RAD17: variants seen among roughly 807,000 people sequenced by gnomAD.
The protein encoded by RAD17 is RAD17 checkpoint clamp loader component.
Under a neutral mutation model 81.5 loss-of-function variants are expected in RAD17, and 31 were observed. The ratio of observed to expected loss-of-function variants is 0.38; its 90% CI spans 0.29 to 0.51. The LOEUF (loss-of-function observed/expected upper bound fraction) is 0.51, where lower values mean the gene tolerates loss of function less well. Among genes scored for constraint, RAD17 ranks in the 20% least tolerant of loss-of-function variants. The pLI is 0.88. For synonymous variants in RAD17, 261 were observed against 266.2 expected, an observed-to-expected ratio of 0.98 and a Z score of 0.19; for missense variants, 681 against 781.2, an observed-to-expected ratio of 0.87 and a Z score of 1.53.
chr5:69,402,271 G>A (rs7731269), intron 17 of RAD17, among the ~76,000 whole-genome samples: 75,268 of 151,130 alleles, frequency 0.5, 18,769 homozygotes, highest in South Asian at 0.54. Context: ...GGCTGATCTC[G>A]AACTCCTGGC....
At chr5:69,376,329 A>G (rs1337983267) in intron 6 of RAD17, among the ~76,000 whole-genome samples, 3 of 152,226 alleles carry the variant, frequency 2.0e-5, no homozygotes, top group African/African-American at 7.2e-5. Context: ...GTTGTACAGT[A>G]GTGACTTTCT....
upstream of RAD17, chr5:69,369,344 G>C: frequency 9.0e-7 from 1 of 1,110,320 alleles, no homozygotes; most frequent in Non-Finnish European, 1.2e-6. Flanking sequence ...ACCGCCTCGT[G>C]GCCCTCGGCC....
At chr5:69,396,231 T>G (rs1391385144) in intron 15 of RAD17, among the ~76,000 whole-genome samples, 166 bp from the exon 16 acceptor site, 1 of 152,216 alleles carries the variant, frequency 6.6e-6, no homozygotes, top group Admixed American at 6.5e-5. Flanking sequence ...CCCAGTGGAA[T>G]TTGCTTTAGA....
chr5:69,369,528 T>A (rs766708460), upstream of RAD17: 3 of 1,611,176 alleles, frequency 1.9e-6, no homozygotes, highest in Admixed American at 5.0e-5. Context: ...CTCGCTCACG[T>A]GCCCTTTGCT....
intron 13 of RAD17, chr5:69,392,763 T>C: frequency 2.3e-6 from 1 of 444,166 alleles, no homozygotes; most frequent in Non-Finnish European, 4.5e-6. Flanking sequence ...TATCGTCTCT[T>C]GCATTAGTGA....
intron 6 of RAD17, 151 bp downstream of exon 6, chr5:69,374,862 A>G: frequency 1.5e-6 from 1 of 664,042 alleles, no homozygotes; most frequent in Non-Finnish European, 2.5e-6. Flanking sequence ...ATGGTGACTC[A>G]TGCCTGTAAT....
chr5:69,396,506 G>A lies in RAD17; in HGVS notation c.1532G>A (p.Arg511Gln), dbSNP rs748060927. The A allele has an allele frequency of 1.9e-6, 3 of 1,607,816 alleles. No individual in the cohort carries two copies. The highest frequency in any genetic ancestry group is 1.1e-5 in the South Asian group (1 of 90,724). Residue 511 changes from arginine (R) to glutamine (Q), a missense_variant, in exon 16 of 19, where the codon CGA (arginine) becomes CAA (glutamine). Transcript: ENST00000354868. ...AHCQGGGSSFRPLHKPQWFLI... is the reference protein window; with the variant it reads ...AHCQGGGSSFQPLHKPQWFLI... The stretch of plus-strand genomic sequence containing the variant: ...TGCCAAGGAGGAGGATCAAGTTTTC[G>A]ACCCTTGCACAAACCTCAGTGGTTT...
chr5:69,414,198 G>C lies in RAD17; in HGVS notation c.1919G>C (p.Ser640Thr). The part of the protein sequence containing the change: ...WSLPLSQNSA[S>T]ELPASQPQPF... ...CTTCCTTTGAGTCAGAATAGTGCCA[G>C]TGAACTGCCTGCTAGCCAGCCCCAG... is the stretch of plus-strand genomic sequence containing the variant. The change falls in exon 19 of 19, where the codon AGT (serine) becomes ACT (threonine). Residue 640 changes from serine to threonine, a missense_variant. By Grantham distance (58) the Ser-to-Thr change is moderately conservative. Coordinates refer to ENST00000354868, the MANE Select transcript of RAD17 (RefSeq NM_133338.3). 6.2e-7 allele frequency: 1 copy of C among 1,614,244 alleles called. No individual in the cohort carries two copies. Among genetic ancestry groups the C allele is most frequent in the Non-Finnish European group, 8.5e-7 (1 of 1,180,048 alleles).
At chr5:69,375,146 A>G (rs1445870741) in intron 6 of RAD17, among the ~76,000 whole-genome samples, 1 of 152,180 alleles carries the variant, frequency 6.6e-6, no homozygotes, top group Non-Finnish European at 1.5e-5. Context: ...AAAAGCGAAA[A>G]AGAAAGCTTC....
intron 1 of RAD17, 60 bp downstream of exon 1, chr5:69,369,993 C>CT: frequency 2.3e-6 from 1 of 440,374 alleles, no homozygotes; most frequent in South Asian, 3.4e-5. Flanking sequence ...GAGTCTATCT[C>CT]TGCCTTCAAG....
chr5:69,407,459 CCTT>C (rs1765675879), intron 17 of RAD17, among the ~76,000 whole-genome samples: 1 of 151,218 alleles, frequency 6.6e-6, no homozygotes, highest in South Asian at 2.1e-4. Context: ...TGCTTTCTGT[CCTT>C]CTAGTCTTTC....
intron 17 of RAD17, among the ~76,000 whole-genome samples, chr5:69,402,921 A>G (rs565662330): frequency 4.2e-4 from 42 of 100,696 alleles, no homozygotes; most frequent in Non-Finnish European, 8.1e-4. Context: ...ACAGTGTGCA[A>G]TCAAATCAGG....
At chr5:69,404,144 C>G (rs1390145955) in intron 17 of RAD17, among the ~76,000 whole-genome samples, 1 of 152,076 alleles carries the variant, frequency 6.6e-6, no homozygotes, top group Non-Finnish European at 1.5e-5. Context: ...CATTTCTCCA[C>G]TAATTAAAAG....
rs577179525 is a variant in RAD17, at chr5:69,382,373, A to G, written c.508+316A>G. On this transcript the variant is annotated intron_variant, in intron 7 of 18. Transcript: ENST00000354868. ...GGTGTGAGGATCACTTGAGCCCATG[A>G]GTTCAAGGTTGCAGTGAGCTATAGT... 1.1e-4 allele frequency among the ~76,000 whole-genome samples: 17 copies of G among 152,340 alleles called. No homozygotes were observed. The South Asian group carries it at 1.2e-3, about 11-fold the overall frequency.
intron 16 of RAD17, 109 bp from the exon 17 acceptor site, chr5:69,399,940 G>T: frequency 1.5e-6 from 1 of 665,958 alleles, no homozygotes; most frequent in Non-Finnish European, 2.3e-6. Flanking sequence ...AAACCCACAA[G>T]TTAATATAAA....
rs1241992920 is a variant in RAD17 at position 69,381,833 on chromosome 5, A to G, written c.352-68A>G. 3.9e-5 allele frequency: 45 copies of G among 1,154,188 alleles called. No homozygotes were observed. The Admixed American group carries it at 1.3e-3, about 34-fold the overall frequency. The allele number at this position is 1,154,188 out of a possible 1,614,324, so 71.5% of individuals were successfully genotyped here. On this transcript the variant is annotated intron_variant, in intron 6 of 18. Transcript: ENST00000354868. ...TAGAAGTAAATATATTTAGAATGAA[A>G]AGTCAGAAATAATATTCTAGCATTC...
At chr5:69,372,317 G>T in intron 4 of RAD17, 100 bp downstream of exon 4, 2 of 1,147,170 alleles carry the variant, frequency 1.7e-6, no homozygotes, top group South Asian at 2.6e-5. Flanking sequence ...GTGTGACTTA[G>T]CATTCGTAAA....
intron 5 of RAD17, 56 bp from the exon 6 acceptor site, chr5:69,374,572 T>C: frequency 7.7e-7 from 1 of 1,303,672 alleles, no homozygotes; most frequent in South Asian, 1.3e-5. Flanking sequence ...TGTGCTGATG[T>C]ACCAAAAAAT....
Position 69,373,810 on chromosome 5 carries a change from A to G in RAD17, c.10-20A>G, listed in dbSNP as rs759608484. Reference sequence around the variant, plus strand: ...TGGGAGAAAATGTGATTATATTTACATGATTTCTTTTTTTTTCAGGTAACA... The same window carrying G: ...TGGGAGAAAATGTGATTATATTTACGTGATTTCTTTTTTTTTCAGGTAACA... On this transcript the variant is annotated intron_variant, in intron 4 of 18. Coordinates refer to ENST00000354868, the MANE Select transcript of RAD17 (RefSeq NM_133338.3). 3.8e-5 allele frequency: 60 copies of G among 1,583,922 alleles called. No individual in the cohort carries two copies. Among genetic ancestry groups the G allele is most frequent in the Non-Finnish European group, 4.8e-5 (56 of 1,166,122 alleles).
Sources: allele counts gnomAD v4.1 joint callset (sites outside exome capture counted in the v4.1 genomes callset), GRCh38; gene constraint gnomAD v4.1.1; transcripts MANE v1.5; gene names NCBI Gene and HGNC (gene_info 2026-07-23, HGNC 2026-07-21).